Variants in ZFR observed in about 807,000 individuals in gnomAD.
The protein encoded by ZFR is zinc finger RNA binding protein, also known as zinc finger RNA-binding protein.
ZFR carries 19 observed loss-of-function variants against 130.7 expected under a neutral mutation model. The ratio of observed to expected loss-of-function variants is 0.15; its 90% CI spans 0.10 to 0.21. ZFR has a LOEUF of 0.21. Among genes scored for constraint, ZFR ranks in the 10% least tolerant of loss-of-function variants. The pLI is 1.00. For missense variants in ZFR, 872 were observed against 1,321.5 expected (o/e 0.66, Z 5.27); for synonymous variants, 466 against 456.9 (o/e 1.02, Z -0.25).
intron 17 of ZFR, among the ~76,000 whole-genome samples, chr5:32,375,523 A>T (rs1241956843): frequency 6.6e-6 from 1 of 152,196 alleles, no homozygotes; most frequent in Non-Finnish European, 1.5e-5. Context: ...TCAAAGAAAA[A>T]AAAAGAGATA....
intron 12 of ZFR, among the ~76,000 whole-genome samples, chr5:32,389,380 AC>A (rs1230202357): frequency 6.6e-6 from 1 of 152,210 alleles, no homozygotes; most frequent in African/African-American, 2.4e-5. Context: ...ACTGGGTCTC[AC>A]CATGTTGCCC....
intron 4 of ZFR, 44 bp downstream of exon 4, chr5:32,417,604 C>A: frequency 1.2e-6 from 2 of 1,603,994 alleles, no homozygotes. Context: ...AAGTCATATA[C>A]TTCAATAGTT....
chr5:32,356,666 G>A (rs1225462773), intron 19 of ZFR, among the ~76,000 whole-genome samples: 2 of 151,826 alleles, frequency 1.3e-5, no homozygotes, highest in Admixed American at 6.6e-5. Flanking sequence ...TGATCCGCCC[G>A]CCTCGGCCTC....
At chr5:32,417,564 A>G (rs1753854292) in intron 4 of ZFR, 84 bp downstream of exon 4, 1 of 1,547,010 alleles carries the variant, frequency 6.5e-7, no homozygotes, top group Non-Finnish European at 8.8e-7. Flanking sequence ...GTTTAGATGG[A>G]CTCAAAAGCT....
chr5:32,425,237 C>T (rs1754046621), intron 2 of ZFR, among the ~76,000 whole-genome samples: 1 of 152,142 alleles, frequency 6.6e-6, no homozygotes, highest in Non-Finnish European at 1.5e-5. Flanking sequence ...AATTTGTATA[C>T]AACAGTGGTT....
At chr5:32,373,124 G>T (rs897314362) in intron 17 of ZFR, among the ~76,000 whole-genome samples, 1 of 152,156 alleles carries the variant, frequency 6.6e-6, no homozygotes, top group African/African-American at 2.4e-5. Flanking sequence ...GCTGGGTGCC[G>T]TGGCTCACGC....
intron 17 of ZFR, among the ~76,000 whole-genome samples, chr5:32,375,966 C>T (rs947352388): frequency 6.6e-6 from 1 of 151,852 alleles, no homozygotes; most frequent in African/African-American, 2.4e-5. Context: ...CTCAGCCTCC[C>T]GAGTAGCTGG....
At chr5:32,433,684 C>T (rs1048334041) in intron 2 of ZFR, among the ~76,000 whole-genome samples, 1 of 152,194 alleles carries the variant, frequency 6.6e-6, no homozygotes, top group African/African-American at 2.4e-5. Context: ...CATTTCTACA[C>T]CAACTACTTT....
intron 4 of ZFR, among the ~76,000 whole-genome samples, chr5:32,415,770 T>G (rs1211737378): frequency 6.6e-6 from 1 of 152,174 alleles, no homozygotes; most frequent in African/African-American, 2.4e-5. Flanking sequence ...CTGCCACTGA[T>G]GTCTGTCAAC....
chr5:32,386,166 C>T (rs992305237), intron 14 of ZFR, among the ~76,000 whole-genome samples: 1 of 152,082 alleles, frequency 6.6e-6, no homozygotes, highest in Non-Finnish European at 1.5e-5. Flanking sequence ...ACAGAAACTA[C>T]ATACAGTATT....
At chr5:32,394,370 T>C (rs1005358641) in intron 11 of ZFR, 4 of 169,402 alleles carry the variant, frequency 2.4e-5, no homozygotes, top group African/African-American at 9.6e-5. Context: ...GACCATAGAC[T>C]GTAGTAAGTT....
At chr5:32,389,746 T>C (rs1753120547) in intron 12 of ZFR, among the ~76,000 whole-genome samples, 1 of 152,218 alleles carries the variant, frequency 6.6e-6, no homozygotes, top group Non-Finnish European at 1.5e-5. Context: ...GTTTAGCATA[T>C]ACCGAAAATA....
At chr5:32,375,070 C>A (rs763313848) in intron 17 of ZFR, among the ~76,000 whole-genome samples, 5 of 152,108 alleles carry the variant, frequency 3.3e-5, no homozygotes, top group Non-Finnish European at 7.4e-5. Flanking sequence ...CTTAAACAAA[C>A]TATTGGCAAG....
At chr5:32,360,210 T>A (rs1437947368) in intron 19 of ZFR, among the ~76,000 whole-genome samples, 2 of 152,226 alleles carry the variant, frequency 1.3e-5, no homozygotes, top group East Asian at 3.8e-4. Flanking sequence ...GCCTTCAATG[T>A]AACTGGACTC....
intron 2 of ZFR, among the ~76,000 whole-genome samples, chr5:32,436,251 C>T (rs1339957601): frequency 6.8e-6 from 1 of 147,880 alleles, no homozygotes; most frequent in Non-Finnish European, 1.5e-5. Context: ...TGGGTTCACA[C>T]CATTCTCCTG....
rs1554071354 is a variant in ZFR, at chr5:32,378,874, AAC to A, written c.2835+239_2835+240del. On this transcript the variant is annotated intron_variant, in intron 17 of 19. Transcript: ENST00000265069. The stretch of plus-strand genomic sequence containing the variant: ...ATAAATGCTGTAATATTAAAAAAAA[AAC>A]ACTGTGAAAACAGCAAAAAGAAAAA... Among the ~76,000 whole-genome samples, 65 of 151,924 alleles carry A rather than the reference AAC, an allele frequency of 4.3e-4. 1 individual carries two copies. The highest frequency in any genetic ancestry group is 1.5e-3 in the African/African-American group (63 of 41,446).
In ZFR at chr5:32,395,119, C is replaced by G. The variant is rs774587494; in HGVS notation, c.1979+40G>C. 2.2e-4 allele frequency: 339 copies of G among 1,535,826 alleles called. 1 individual carries two copies. The highest frequency in any genetic ancestry group is 2.8e-4 in the Non-Finnish European group (326 of 1,144,702). ...AGAATGGCTAAGTTTTTAAGAAAGG[C>G]TGAACCACTTACCAGGCTATTAAAA... On this transcript the variant is annotated intron_variant, in intron 11 of 19. Coordinates refer to ENST00000265069, the MANE Select transcript of ZFR (RefSeq NM_016107.5).
intron 15 of ZFR, among the ~76,000 whole-genome samples, chr5:32,382,054 C>A (rs1752945767): frequency 1.3e-5 from 2 of 152,300 alleles, no homozygotes; most frequent in South Asian, 4.1e-4. Flanking sequence ...GTAATCCTAG[C>A]ACTTTGGGAG....
intron 16 of ZFR, 26 bp from the exon 17 acceptor site, chr5:32,379,236 G>A: frequency 6.3e-7 from 1 of 1,581,556 alleles, no homozygotes; most frequent in Non-Finnish European, 8.7e-7. Context: ...AAAACCAATT[G>A]AATTAATCTT....
Sources: allele counts gnomAD v4.1 joint callset (sites outside exome capture counted in the v4.1 genomes callset), GRCh38; gene constraint gnomAD v4.1.1; transcripts MANE v1.5; gene names NCBI Gene and HGNC (gene_info 2026-07-23, HGNC 2026-07-21).